Variants in SAFB observed in about 807,000 individuals in gnomAD.
SAFB encodes scaffold attachment factor B1.
In SAFB, 15 loss-of-function variants were observed where a neutral mutation model predicts 101.6. The ratio of observed to expected loss-of-function variants is 0.15; its 90% CI spans 0.10 to 0.23. The LOEUF is 0.23. Ranked by LOEUF, SAFB falls within the 10% of genes least tolerant of loss-of-function variation. The pLI, the probability that SAFB is intolerant of heterozygous loss-of-function variation, is 1.00. For missense variants in SAFB, 930 were observed against 1,104.1 expected (o/e 0.84, Z 2.23); for synonymous variants, 449 against 407.5 (o/e 1.10, Z -1.23).
At chr19:5,652,082 A>T (rs2053951632) in intron 9 of SAFB, among the ~76,000 whole-genome samples, 1 of 152,164 alleles carries the variant, frequency 6.6e-6, no homozygotes, top group Admixed American at 6.5e-5. Flanking sequence ...AATCCCAGGT[A>T]CTTGGGACGC....
chr19:5,623,098 T>C lies in SAFB; in HGVS notation c.-108T>C. On this transcript the variant is annotated 5_prime_UTR_variant, in exon 1 of 21. Coordinates refer to ENST00000588852, the MANE Select transcript of SAFB (RefSeq NM_001201338.2). Reference sequence around the variant, plus strand: ...GCGCCTGCGCAGAAGCGAGGCGCGCTGGGGCGACTGGAGCGGTTCCCTCGC... The same window carrying C: ...GCGCCTGCGCAGAAGCGAGGCGCGCCGGGGCGACTGGAGCGGTTCCCTCGC... 2.6e-6 allele frequency: 3 copies of C among 1,169,692 alleles called. No individual in the cohort carries two copies. Among genetic ancestry groups the C allele is most frequent in the Non-Finnish European group, 3.7e-6 (3 of 821,350 alleles). 72.5% of individuals were successfully genotyped at this position (1,169,692 alleles called of 1,614,324 possible).
At chr19:5,635,823 A>G (rs1054294958) in intron 2 of SAFB, among the ~76,000 whole-genome samples, 4 of 152,092 alleles carry the variant, frequency 2.6e-5, no homozygotes, top group Non-Finnish European at 5.9e-5. Context: ...TAGGGTGAAG[A>G]GCTGAGGTAG....
At chr19:5,657,138 C>A in intron 13 of SAFB, 103 bp from the exon 14 acceptor site, 1 of 747,986 alleles carries the variant, frequency 1.3e-6, no homozygotes, top group South Asian at 1.7e-5. Flanking sequence ...TTCCCAATCT[C>A]AAGTGATCCA....
chr19:5,665,568 CAA>C (rs1217619876), intron 17 of SAFB: 1 of 151,802 alleles, frequency 6.6e-6, no homozygotes, highest in African/African-American at 2.4e-5. Flanking sequence ...CTCCTGAGCT[CAA>C]GTGATCCTCC....
intron 2 of SAFB, among the ~76,000 whole-genome samples, chr19:5,638,714 C>CTTTTTT (rs758543978): frequency 8.6e-6 from 1 of 116,362 alleles, no homozygotes; most frequent in Non-Finnish European, 1.8e-5. Context: ...TAATCTTAGT[C>CTTTTTT]TTTTTTTTTT....
chr19:5,651,062 A>G lies in SAFB; in HGVS notation c.1283A>G (p.Lys428Arg). 6.2e-7 allele frequency: 1 copy of G among 1,603,578 alleles called. No individual in the cohort carries two copies. Among genetic ancestry groups the G allele is most frequent in the Non-Finnish European group, 8.5e-7 (1 of 1,173,236 alleles). ...RATDLKNLFS[K>R]YGKVVGAKVV... ...ACAGATTTGAAGAATCTTTTCAGCA[A>G]ATATGGGAAGGTAAGTGCCAGAGCT... The change falls in exon 9 of 21, where the codon AAA (lysine) becomes AGA (arginine). Residue 428 changes from lysine to arginine, a missense_variant. Around this residue, in one of 7 missense-constraint regions of SAFB, gnomAD observed 68 missense variants for 122.1 expected, o/e 0.56. Coordinates refer to ENST00000588852, the MANE Select transcript of SAFB (RefSeq NM_001201338.2).
At chr19:5,624,969 G>T (rs992129539) in intron 1 of SAFB, among the ~76,000 whole-genome samples, 1 of 152,036 alleles carries the variant, frequency 6.6e-6, no homozygotes, top group African/African-American at 2.4e-5. Context: ...CTCCCTGGAC[G>T]GTCCATAGGC....
At chr19:5,661,421 C>G (rs2054199589) in intron 14 of SAFB, 97 bp from the exon 15 acceptor site, 1 of 1,556,356 alleles carries the variant, frequency 6.4e-7, no homozygotes, top group Admixed American at 1.8e-5. Flanking sequence ...GGACGCACAG[C>G]CCTGGAGTCT....
chr19:5,658,425 C>T (rs1053398875), intron 14 of SAFB, among the ~76,000 whole-genome samples: 2 of 152,206 alleles, frequency 1.3e-5, no homozygotes, highest in Non-Finnish European at 2.9e-5. Context: ...CCCCCCTGGG[C>T]GCAGTGTCTC....
chr19:5,644,474 G>A (rs976310565), intron 4 of SAFB, among the ~76,000 whole-genome samples: 2 of 152,212 alleles, frequency 1.3e-5, no homozygotes, highest in Admixed American at 1.3e-4. Context: ...GATGGTCTTT[G>A]GCACTTAAAC....
chr19:5,664,913 AT>A (rs905236062), intron 17 of SAFB: 4 of 170,998 alleles, frequency 2.3e-5, no homozygotes, highest in African/African-American at 4.8e-5. Context: ...GTCTGTGCTC[AT>A]TCTCTTCGGG....
Position 5,653,254 on chromosome 19 carries a change from C to T in SAFB, c.1433C>T (p.Ser478Phe). Residue 478 changes from serine (S) to phenylalanine (F), a missense_variant, in exon 10 of 21, where the codon TCC becomes TTC. Around this residue, in one of 7 missense-constraint regions of SAFB, gnomAD observed 92 missense variants for 83.8 expected, o/e 1.10. Coordinates refer to ENST00000588852, the MANE Select transcript of SAFB (RefSeq NM_001201338.2). ...ACGGAGCTCCACGGAAAGATGATCT[C>T]CGTGGAGAAAGTGAGTGGCCGTTTT... Reference protein sequence around the residue: ...HKTELHGKMISVEKAKNEPVG... With the variant: ...HKTELHGKMIFVEKAKNEPVG... The T allele has an allele frequency of 6.2e-7, 1 of 1,614,084 alleles. No homozygotes were observed. The highest frequency in any genetic ancestry group is 8.5e-7 in the Non-Finnish European group (1 of 1,180,030).
At chr19:5,641,985 G>T (rs771702768) in intron 4 of SAFB, 39 bp downstream of exon 4, 7 of 1,501,074 alleles carry the variant, frequency 4.7e-6, no homozygotes, top group Non-Finnish European at 6.5e-6. Flanking sequence ...TGCCCTGAAT[G>T]TATCAGTTCC....
chr19:5,650,801 G>A (rs2053922611), intron 8 of SAFB, among the ~76,000 whole-genome samples, 177 bp from the exon 9 acceptor site: 1 of 152,144 alleles, frequency 6.6e-6, no homozygotes, highest in Admixed American at 6.5e-5. Context: ...TGCTGGGCCT[G>A]GTGTTGCACT....
intron 5 of SAFB, among the ~76,000 whole-genome samples, chr19:5,647,444 G>T (rs2053849172): frequency 6.6e-6 from 1 of 152,180 alleles, no homozygotes; most frequent in African/African-American, 2.4e-5. Context: ...AGCCTGAGTG[G>T]ACAGGGCTTC....
At chr19:5,659,288 A>G (rs999055063) in intron 14 of SAFB, among the ~76,000 whole-genome samples, 12 of 152,144 alleles carry the variant, frequency 7.9e-5, no homozygotes, top group Non-Finnish European at 1.6e-4. Flanking sequence ...CTGGGCAACA[A>G]GAGCAAAACG....
In SAFB at chr19:5,665,844, A is replaced by G. The variant is rs529474626; in HGVS notation, c.2335-1202A>G. The G allele has an allele frequency of 3.3e-5, 5 of 152,292 alleles. No individual in the cohort carries two copies. In the South Asian group the frequency reaches 6.2e-4, roughly 19 times the overall value. The allele number at this position is 152,292 out of a possible 1,614,324, so 9.4% of individuals were successfully genotyped here. ...GGTTGGACAGAAAAATGTTGGTTCAATTTTCAAATACTAAGGAGAGCTTAT... is the reference window on the plus strand; with the variant it reads ...GGTTGGACAGAAAAATGTTGGTTCAGTTTTCAAATACTAAGGAGAGCTTAT... On this transcript the variant is annotated intron_variant, in intron 17 of 20. Coordinates refer to ENST00000588852, the MANE Select transcript of SAFB (RefSeq NM_001201338.2).
intron 4 of SAFB, 30 bp from the exon 5 acceptor site, chr19:5,645,307 T>G: frequency 1.1e-6 from 1 of 897,224 alleles, no homozygotes; most frequent in South Asian, 1.3e-5. Context: ...GTTGGTGTGA[T>G]GAACTGTATT....
At position 5,649,946 on chromosome 19, in the gene SAFB, A is replaced by T; in HGVS notation, c.1169A>T (p.Asp390Val). 6.2e-7 allele frequency: 1 copy of T among 1,614,018 alleles called. No individual in the cohort carries two copies. The highest frequency in any genetic ancestry group is 8.5e-7 in the Non-Finnish European group (1 of 1,179,946). ...QKMSSPEDDS[D>V]TKRLSKEEKG... is the part of the protein sequence containing the mutation. ...TCTAGTTCTCCCGAAGATGACTCGG[A>T]TACAAAAAGGCTTTCCAAAGAGGAA... is the stretch of plus-strand genomic sequence containing the variant. The change falls in exon 8 of 21, where the codon GAT becomes GTT. Residue 390 changes from aspartate (D) to valine (V), a missense_variant. Physicochemically the swap from Asp to Val is radical, Grantham distance 152. Coordinates refer to ENST00000588852, the MANE Select transcript of SAFB (RefSeq NM_001201338.2).
Sources: gnomAD v4.1 joint callset for allele counts (sites outside exome capture counted in the v4.1 genomes callset) on GRCh38, gnomAD v4.1.1 for gene constraint, gnomAD v4.1.1 regional missense constraint, MANE v1.5 for transcripts, NCBI Gene and HGNC (gene_info 2026-07-23, HGNC 2026-07-21) for gene names.